The following ARL17B variants were observed in gnomAD, a reference collection of about 807,000 sequenced individuals.
ARL17B encodes ARF like GTPase 17B.
intron 4 of ARL17B, among the ~76,000 whole-genome samples, chr17:46,282,816 T>G (rs966110292): frequency 2.6e-5 from 4 of 152,212 alleles, no homozygotes; most frequent in African/African-American, 9.6e-5. Flanking sequence ...TGGCTTTTCC[T>G]CAAAGGAAGA....
intron 4 of ARL17B, among the ~76,000 whole-genome samples, chr17:46,280,498 G>C (rs2049732389): frequency 6.6e-6 from 1 of 151,546 alleles, no homozygotes; most frequent in South Asian, 2.1e-4. Flanking sequence ...CATATAGCAA[G>C]ACCCTGTCCC....
At chr17:46,289,758 G>T in intron 4 of ARL17B, among the ~76,000 whole-genome samples, 1 of 152,164 alleles carries the variant, frequency 6.6e-6, no homozygotes, top group Non-Finnish European at 1.5e-5. Context: ...AAATAACTTA[G>T]CCCACGTTTC....
At position 46,339,303 on chromosome 17, in the gene ARL17B, G is replaced by A; in HGVS notation, c.*197C>T. On this transcript the variant is annotated 3_prime_UTR_variant, in exon 4 of 4. Coordinates refer to ENST00000450673, the MANE Select transcript of ARL17B (RefSeq NM_001039083.5). ...ATTCAGGAATTTCCAAGGGTTTTAG[G>A]AGCTTTGTGTTAGGAACTGGGGTCA... The A allele has an allele frequency of 3.2e-6, 1 of 309,624 alleles. No homozygotes were observed. Among genetic ancestry groups the A allele is most frequent in the Non-Finnish European group, 6.8e-6 (1 of 146,438 alleles). 19.2% of individuals were successfully genotyped at this position (309,624 alleles called of 1,614,324 possible).
Position 46,314,525 on chromosome 17 carries a change from G to A in ARL17B, c.260-14860C>T, listed in dbSNP as rs796979045. On this transcript the variant is annotated intron_variant, in intron 3 of 4. Transcript: ENST00000434041. ...AGACGGGGTTTCAGCACGTTTATCC[G>A]TTTATCAGGCTGCTCTCGAACTCCT... is the stretch of plus-strand genomic sequence containing the variant. Among the ~76,000 whole-genome samples the A allele has an allele frequency of 3.0e-4, 24 of 79,992 alleles. 8 individuals are homozygous for A. The highest frequency in any genetic ancestry group is 9.7e-4 in the East Asian group (4 of 4,124). 52.5% of individuals were successfully genotyped at this position (79,992 alleles called of 152,430 possible).
At position 46,312,673 on chromosome 17, in the gene ARL17B, A is replaced by T. The variant is rs1429046969; in HGVS notation, c.260-13008T>A. On this transcript the variant is annotated intron_variant, in intron 3 of 4. Transcript: ENST00000434041. ...AAGATATAGAATGAAGGGGTAGCCG[A>T]CTTTGTACAGAGCCCACCAGTGGTC... is the stretch of plus-strand genomic sequence containing the variant. Among the ~76,000 whole-genome samples, 9 of 78,578 alleles carry T rather than the reference A, an allele frequency of 1.1e-4. 1 individual carries two copies. Among genetic ancestry groups the T allele is most frequent in the African/African-American group, 4.3e-4 (8 of 18,780 alleles). 51.6% of individuals were successfully genotyped at this position (78,578 alleles called of 152,430 possible).
At chr17:46,292,310 T>A (rs572903499) in intron 4 of ARL17B, among the ~76,000 whole-genome samples, 2 of 71,478 alleles carry the variant, frequency 2.8e-5, no homozygotes, top group African/African-American at 7.1e-5. Context: ...CCAGCCTGGG[T>A]GACAGAGCAA....
chr17:46,292,474 T>C (rs185726014), intron 4 of ARL17B, among the ~76,000 whole-genome samples: 1,214 of 80,810 alleles, frequency 0.015, 330 homozygotes, highest in Middle Eastern at 0.089. Context: ...AAACTGCTTT[T>C]TGAGTGCAGG....
At chr17:46,297,581 A>C, downstream of ARL17B, 1 of 535,646 alleles carries the variant, frequency 1.9e-6, no homozygotes, top group Non-Finnish European at 3.2e-6. Context: ...ATAAGGCTTT[A>C]ACTGCACCAG....
intron 4 of ARL17B, among the ~76,000 whole-genome samples, chr17:46,276,790 C>CTTTTCTTTTTTTT (rs2049598576): frequency 3.1e-4 from 42 of 134,152 alleles, no homozygotes; most frequent in Non-Finnish European, 5.3e-4. Flanking sequence ...TTCTTTTTTT[C>CTTTTCTTTTTTTT]TTTTTTTTTT....
chr17:46,282,406 GTTTTTTGTTTGTT>G (rs1374558308), intron 4 of ARL17B, among the ~76,000 whole-genome samples: 9 of 149,062 alleles, frequency 6.0e-5, no homozygotes, highest in African/African-American at 1.7e-4. Context: ...CCTGGCCTCA[GTTTTTTGTTTGTT>G]TTTTTTTTTT....
At chr17:46,290,907 G>C (rs1323247275) in intron 4 of ARL17B, among the ~76,000 whole-genome samples, 2 of 152,218 alleles carry the variant, frequency 1.3e-5, no homozygotes, top group African/African-American at 2.4e-5. Flanking sequence ...AAATAAGTTT[G>C]CTGTGCCTCT....
intron 4 of ARL17B, among the ~76,000 whole-genome samples, chr17:46,289,243 C>T (rs376502978): frequency 1.3e-5 from 2 of 152,318 alleles, no homozygotes; most frequent in South Asian, 2.1e-4. Flanking sequence ...ACTGCAGTGA[C>T]ATAAACACGG....
In ARL17B at chr17:46,277,406, C is replaced by T. The variant is rs547640185; in HGVS notation, c.*22-1988G>A. Among the ~76,000 whole-genome samples the T allele has an allele frequency of 7.2e-4, 109 of 152,310 alleles. 1 individual carries two copies. Among genetic ancestry groups the T allele is most frequent in the African/African-American group, 2.5e-3 (104 of 41,566 alleles). Reference sequence around the variant, plus strand: ...CAAGTTGGCAGCAGGGTAGGATTCACACCCCTTGGCTTCTACCTCACAGTT... The same window carrying T: ...CAAGTTGGCAGCAGGGTAGGATTCATACCCCTTGGCTTCTACCTCACAGTT... On this transcript the variant is annotated intron_variant, in intron 4 of 4. Transcript: ENST00000570618.
At chr17:46,289,783 T>C (rs1448042205) in intron 4 of ARL17B, among the ~76,000 whole-genome samples, 1 of 152,284 alleles carries the variant, frequency 6.6e-6, no homozygotes, top group Non-Finnish European at 1.5e-5. Context: ...AAAGAGTTTT[T>C]AATTTTTTTA....
chr17:46,334,891 T>C (rs1419082878), downstream of ARL17B: 1 of 131,264 alleles, frequency 7.6e-6, no homozygotes, highest in Non-Finnish European at 1.7e-5. Context: ...AAGTACAATA[T>C]AACAACTGTC....
At chr17:46,331,193 C>A (rs368493396), downstream of ARL17B, 15 of 731,772 alleles carry the variant, frequency 2.0e-5, no homozygotes, top group Middle Eastern at 6.0e-4. Flanking sequence ...AAAAAAATAC[C>A]GCTTTCACAA....
Position 46,350,444 on chromosome 17 carries a change from T to C in ARL17B, c.259+2376A>G, listed in dbSNP as rs1385241613. Among the ~76,000 whole-genome samples the C allele has an allele frequency of 3.9e-5, 3 of 76,656 alleles. No homozygotes were observed. In the East Asian group the frequency reaches 7.5e-4, roughly 19 times the overall value. The allele number at this position is 76,656 out of a possible 152,430, so 50.3% of individuals were successfully genotyped here. A position where few individuals can be genotyped will look rare whatever the true frequency, so the allele number is the denominator to read the frequency against. On this transcript the variant is annotated intron_variant, in intron 3 of 3. Coordinates refer to ENST00000450673, the MANE Select transcript of ARL17B (RefSeq NM_001039083.5). ...TTCTTGCCCCTGAAATGAACCAAAA[T>C]CTAATCAAGTCTCTAGAATAAACAA...
chr17:46,277,561 C>T (rs1180694429), intron 4 of ARL17B, among the ~76,000 whole-genome samples: 1 of 152,224 alleles, frequency 6.6e-6, no homozygotes, highest in East Asian at 1.9e-4. Context: ...CCTACCTTAA[C>T]TCCCTCTGAA....
chr17:46,290,385 T>A (rs1235441172), intron 4 of ARL17B, among the ~76,000 whole-genome samples: 1 of 152,058 alleles, frequency 6.6e-6, no homozygotes, highest in East Asian at 1.9e-4. Context: ...CTCAGCCTTT[T>A]AGAATGCTGG....
Sources: allele counts gnomAD v4.1 joint callset (sites outside exome capture counted in the v4.1 genomes callset), GRCh38; gene constraint gnomAD v4.1.1; transcripts MANE v1.5; gene names NCBI Gene and HGNC (gene_info 2026-07-23, HGNC 2026-07-21).